Variants in ETV1 observed in about 807,000 individuals in gnomAD.
The protein encoded by ETV1 is ETS translocation variant 1.
Under a neutral mutation model 62.3 loss-of-function variants are expected in ETV1, and 27 were observed. The ratio of observed to expected loss-of-function variants is 0.43; its 90% CI spans 0.32 to 0.60. The LOEUF (loss-of-function observed/expected upper bound fraction) is 0.60, where lower values mean the gene tolerates loss of function less well. Ranked by LOEUF, ETV1 falls within the 20% of genes least tolerant of loss-of-function variation. The probability of loss-of-function intolerance (pLI) is 0.06; values close to 1 mark genes in which losing one functional copy is unlikely to be tolerated. For synonymous variants in ETV1, 222 were observed against 199.6 expected, an observed-to-expected ratio of 1.11 and a Z score of -0.94; for missense variants, 605 against 605.8, an observed-to-expected ratio of 1.00 and a Z score of 0.01.
At chr7:13,903,256 C>A (rs17167626) in intron 12 of ETV1, among the ~76,000 whole-genome samples, 4,527 of 152,218 alleles carry the variant, frequency 0.03, 239 homozygotes, top group African/African-American at 0.1. Flanking sequence ...ATGGCATTCA[C>A]CCTTATTGTC....
intron 7 of ETV1, among the ~76,000 whole-genome samples, chr7:13,938,085 A>G (rs1412605841): frequency 6.6e-6 from 1 of 152,152 alleles, no homozygotes; most frequent in Non-Finnish European, 1.5e-5. Context: ...AGCTGGGATT[A>G]CAGGCATGCG....
chr7:13,961,404 C>G (rs1199878170), intron 6 of ETV1, among the ~76,000 whole-genome samples: 1 of 152,074 alleles, frequency 6.6e-6, no homozygotes, highest in African/African-American at 2.4e-5. Context: ...AATAGTGTTA[C>G]AGCAAGGGTC....
At chr7:13,961,727 G>A (rs1790191771) in intron 6 of ETV1, among the ~76,000 whole-genome samples, 1 of 152,132 alleles carries the variant, frequency 6.6e-6, no homozygotes. Context: ...TTACACATAA[G>A]ATGCTAACTG....
rs540935738 is a variant in ETV1, at chr7:13,926,990, A to C, written c.802+4512T>G. 6.6e-5 allele frequency among the ~76,000 whole-genome samples: 10 copies of C among 152,292 alleles called. No individual in the cohort carries two copies. The South Asian group carries it at 2.1e-3, about 32-fold the overall frequency. On this transcript the variant is annotated intron_variant, in intron 9 of 13. Transcript: ENST00000430479. Reference sequence around the variant, plus strand: ...ACCTTCCATTTCCCATGTCATAATTAATGTCAGGCTTTATTAGAGCACAAT... The same window carrying C: ...ACCTTCCATTTCCCATGTCATAATTCATGTCAGGCTTTATTAGAGCACAAT...
At chr7:13,971,994 C>G (rs1223216739) in intron 6 of ETV1, among the ~76,000 whole-genome samples, 1 of 152,044 alleles carries the variant, frequency 6.6e-6, no homozygotes, top group Non-Finnish European at 1.5e-5. Context: ...TGCCTGTAAT[C>G]CCAGCTACCT....
At chr7:13,975,782 A>G (rs1240212034) in intron 6 of ETV1, among the ~76,000 whole-genome samples, 5 of 152,114 alleles carry the variant, frequency 3.3e-5, no homozygotes, top group Admixed American at 6.5e-5. Context: ...CAATAAGAAA[A>G]GCTGAAAAGA....
chr7:13,930,493 T>C (rs1785966066), intron 9 of ETV1, among the ~76,000 whole-genome samples: 2 of 151,766 alleles, frequency 1.3e-5, no homozygotes, highest in Non-Finnish European at 2.9e-5. Flanking sequence ...GGTTAATTTT[T>C]TGTGTTTTTA....
intron 6 of ETV1, among the ~76,000 whole-genome samples, chr7:13,964,171 G>A (rs891103857): frequency 3.9e-5 from 6 of 152,112 alleles, no homozygotes; most frequent in African/African-American, 1.4e-4. Flanking sequence ...GTGTTCATGA[G>A]GATGGAGAAA....
chr7:13,909,789 T>A, intron 10 of ETV1, 89 bp from the exon 11 acceptor site: 1 of 1,157,536 alleles, frequency 8.6e-7, no homozygotes. Context: ...AAAATTGTGA[T>A]AGAAAATGAC....
At chr7:13,897,522 T>G (rs1341207478) in intron 13 of ETV1, among the ~76,000 whole-genome samples, 1 of 152,166 alleles carries the variant, frequency 6.6e-6, no homozygotes, top group Non-Finnish European at 1.5e-5. Context: ...TTTTATGAAT[T>G]TGGACCTGTT....
chr7:13,970,263 AACACACACACACACACACACACACACAC>A (rs71033966), intron 6 of ETV1, among the ~76,000 whole-genome samples: 53 of 126,668 alleles, frequency 4.2e-4, no homozygotes, highest in East Asian at 9.6e-4. Flanking sequence ...CCCATCTCAA[AACACACACACACACACACACACACACAC>A]ACACACACAC....
intron 11 of ETV1, among the ~76,000 whole-genome samples, chr7:13,908,148 T>C (rs1343443106): frequency 3.3e-5 from 5 of 152,278 alleles, no homozygotes; most frequent in African/African-American, 9.6e-5. Flanking sequence ...CATTTTTCTT[T>C]CTTCTTGTTC....
chr7:13,968,988 A>C (rs1486160083), intron 6 of ETV1, among the ~76,000 whole-genome samples: 1 of 152,190 alleles, frequency 6.6e-6, no homozygotes, highest in East Asian at 1.9e-4. Flanking sequence ...TTCCTTGTAA[A>C]ACAATCAAGT....
rs1781440687 is a variant in ETV1, at chr7:13,892,364, T to G, written c.*3502A>C. ...GACATTTTAGTGGAATAGTTGAAAT[T>G]TAATATAGAAAGTTTTCAAAATTAT... On this transcript the variant is annotated 3_prime_UTR_variant, in exon 14 of 14. Transcript: ENST00000430479. The G allele has an allele frequency of 1.3e-5, 3 of 232,548 alleles. No homozygotes were observed. In the Admixed American group the frequency reaches 1.7e-4, roughly 13 times the overall value. The allele number at this position is 232,548 out of a possible 1,614,324, so 14.4% of individuals were successfully genotyped here.
chr7:13,952,738 A>T (rs908934418), intron 6 of ETV1, among the ~76,000 whole-genome samples: 5 of 152,184 alleles, frequency 3.3e-5, no homozygotes, highest in African/African-American at 1.2e-4. Context: ...AGATGTTAGT[A>T]TATTAATAAA....
At chr7:13,940,278 C>T (rs112674948) in intron 6 of ETV1, among the ~76,000 whole-genome samples, 137 of 151,114 alleles carry the variant, frequency 9.1e-4, no homozygotes, top group African/African-American at 3.2e-3. Flanking sequence ...GGGAGAATTG[C>T]TTGAACCCAG....
chr7:13,917,137 C>T (rs907242995), intron 9 of ETV1, among the ~76,000 whole-genome samples: 46 of 152,084 alleles, frequency 3.0e-4, no homozygotes, highest in African/African-American at 1.1e-3. Context: ...ATACCCCACA[C>T]AAATAATGAC....
At chr7:13,989,487 T>A in intron 1 of ETV1, 23 bp from the exon 2 acceptor site, 2 of 402,368 alleles carry the variant, frequency 5.0e-6, no homozygotes, top group Non-Finnish European at 8.8e-6. Context: ...AGACACCTCT[T>A]TCATCAGGAT....
intron 13 of ETV1, among the ~76,000 whole-genome samples, chr7:13,898,839 C>T (rs10486066): frequency 0.12 from 18,905 of 152,042 alleles, 1,309 homozygotes; most frequent in East Asian, 0.22. Context: ...GGTACATATC[C>T]GAGAATGTGA....
Sources: gnomAD v4.1 joint callset for allele counts (sites outside exome capture counted in the v4.1 genomes callset) on GRCh38, gnomAD v4.1.1 for gene constraint, MANE v1.5 for transcripts, NCBI Gene and HGNC (gene_info 2026-07-23, HGNC 2026-07-21) for gene names.